The following PLCB1 variants were observed in gnomAD, a reference collection of about 807,000 sequenced individuals.
The protein encoded by PLCB1 is 1-phosphatidylinositol 4,5-bisphosphate phosphodiesterase beta-1.
Under a neutral mutation model 161.8 loss-of-function variants are expected in PLCB1, and 46 were observed. The observed-to-expected ratio is 0.28, with a 90% CI of 0.22 to 0.36. The LOEUF is 0.36. Ranked by LOEUF, PLCB1 falls within the 10% of genes least tolerant of loss-of-function variation. The probability of loss-of-function intolerance (pLI) is 1.00; values close to 1 mark genes in which losing one functional copy is unlikely to be tolerated. For missense variants in PLCB1, 1,016 were observed against 1,472.5 expected (o/e 0.69, Z 5.07); for synonymous variants, 517 against 503.7 (o/e 1.03, Z -0.35).
At position 8,782,221 on chromosome 20, in the gene PLCB1, G is replaced by C. The variant is rs550698791; in HGVS notation, c.3112-6228G>C. ...GTCCAAGACTTTCTCCTTCTGAAAA[G>C]AGAAGGGAGCTAGTAGAGATTATAG... On this transcript the variant is annotated intron_variant, in intron 27 of 31. Transcript: ENST00000338037. Among the ~76,000 whole-genome samples the C allele has an allele frequency of 1.3e-4, 20 of 152,252 alleles. No individual in the cohort carries two copies. In the South Asian group the frequency reaches 3.9e-3, roughly 30 times the overall value.
intron 4 of PLCB1, among the ~76,000 whole-genome samples, chr20:8,628,903 A>G (rs1489835977): frequency 6.6e-6 from 1 of 152,112 alleles, no homozygotes; most frequent in African/African-American, 2.4e-5. Flanking sequence ...ACTGCACTCC[A>G]GCCTGGGTGA....
At chr20:8,291,151 T>C (rs1052481373) in intron 2 of PLCB1, among the ~76,000 whole-genome samples, 2 of 152,010 alleles carry the variant, frequency 1.3e-5, no homozygotes, top group African/African-American at 4.8e-5. Flanking sequence ...ATCTTGAAAA[T>C]GCAACATTTG....
intron 3 of PLCB1, among the ~76,000 whole-genome samples, chr20:8,455,118 C>T (rs1041746209): frequency 6.6e-6 from 1 of 151,904 alleles, no homozygotes; most frequent in Admixed American, 6.6e-5. Flanking sequence ...AGATCAAGGT[C>T]AGGAGTTCAA....
intron 2 of PLCB1, among the ~76,000 whole-genome samples, chr20:8,361,149 C>A (rs767252399): frequency 6.6e-6 from 1 of 152,186 alleles, no homozygotes; most frequent in Non-Finnish European, 1.5e-5. Context: ...ATTTTTAGAA[C>A]CTCTCCTTGA....
At chr20:8,523,496 C>CTCTCTCTCTCTTTATATATA in intron 3 of PLCB1, among the ~76,000 whole-genome samples, 1 of 51,630 alleles carries the variant, frequency 1.9e-5, no homozygotes, top group Admixed American at 2.4e-4. Flanking sequence ...CTCTCTCTCT[C>CTCTCTCTCTCTTTATATATA]TATATATATA....
chr20:8,753,349 T>G (rs954370901), intron 23 of PLCB1, among the ~76,000 whole-genome samples: 1 of 152,146 alleles, frequency 6.6e-6, no homozygotes, highest in African/African-American at 2.4e-5. Flanking sequence ...AAAAATTATC[T>G]TCCATGAAAC....
intron 3 of PLCB1, among the ~76,000 whole-genome samples, chr20:8,381,430 T>A (rs1041272532): frequency 6.6e-6 from 1 of 152,172 alleles, no homozygotes; most frequent in African/African-American, 2.4e-5. Context: ...TCTGCCAGGT[T>A]TTGGTAACAG....
At chr20:8,686,181 G>T (rs1043169845) in intron 10 of PLCB1, among the ~76,000 whole-genome samples, 1 of 152,094 alleles carries the variant, frequency 6.6e-6, no homozygotes, top group African/African-American at 2.4e-5. Context: ...TTGTGTAGAG[G>T]TTAAAATTAA....
At chr20:8,555,259 G>A (rs1249206409) in intron 3 of PLCB1, among the ~76,000 whole-genome samples, 1 of 152,064 alleles carries the variant, frequency 6.6e-6, no homozygotes, top group African/African-American at 2.4e-5. Context: ...CCTTAATAGG[G>A]TTGAATGGGT....
chr20:8,699,811 T>G (rs2123432569), intron 11 of PLCB1, among the ~76,000 whole-genome samples: 1 of 152,352 alleles, frequency 6.6e-6, no homozygotes. Context: ...CAACTTAGCC[T>G]ACAATGCAAT....
chr20:8,880,045 G>A (rs138280439), intron 31 of PLCB1, among the ~76,000 whole-genome samples: 39 of 152,068 alleles, frequency 2.6e-4, no homozygotes, highest in Middle Eastern at 3.4e-3. Flanking sequence ...CTCCTGAGTC[G>A]GACAGAATCA....
intron 3 of PLCB1, among the ~76,000 whole-genome samples, chr20:8,481,794 G>A (rs982784276): frequency 2.0e-5 from 3 of 152,018 alleles, no homozygotes; most frequent in Non-Finnish European, 2.9e-5. Context: ...ATTTGAATTG[G>A]TTTTTTGATC....
At chr20:8,619,263 ACAAAAATTAGC>A (rs1287441191) in intron 3 of PLCB1, among the ~76,000 whole-genome samples, 5 of 152,134 alleles carry the variant, frequency 3.3e-5, no homozygotes, top group Non-Finnish European at 7.4e-5. Flanking sequence ...TACTAAAAAT[ACAAAAATTAGC>A]CGGGCGTGGT....
At chr20:8,245,537 T>G (rs1387425882) in intron 2 of PLCB1, among the ~76,000 whole-genome samples, 1 of 151,860 alleles carries the variant, frequency 6.6e-6, no homozygotes, top group Non-Finnish European at 1.5e-5. Flanking sequence ...TTTATAGGTT[T>G]TGGTTGGGCA....
At chr20:8,279,859 G>A (rs1414889327) in intron 2 of PLCB1, among the ~76,000 whole-genome samples, 1 of 152,110 alleles carries the variant, frequency 6.6e-6, no homozygotes, top group African/African-American at 2.4e-5. Flanking sequence ...GAAGTAAAAA[G>A]AAAAGTAAGA....
chr20:8,775,638 G>A (rs1320755180), intron 27 of PLCB1, among the ~76,000 whole-genome samples: 2 of 152,130 alleles, frequency 1.3e-5, no homozygotes, highest in African/African-American at 4.8e-5. Context: ...CCCAGTGACT[G>A]TATGCAATGA....
chr20:8,368,501 T>G (rs1600348290), intron 2 of PLCB1, among the ~76,000 whole-genome samples: 1 of 120,312 alleles, frequency 8.3e-6, no homozygotes, highest in African/African-American at 3.4e-5. Flanking sequence ...CACTTTAGCC[T>G]GGGTGATGGA....
At chr20:8,640,520 T>A (rs1172036858) in intron 4 of PLCB1, among the ~76,000 whole-genome samples, 1 of 152,190 alleles carries the variant, frequency 6.6e-6, no homozygotes, top group African/African-American at 2.4e-5. Context: ...ACACTGAGAC[T>A]GCTAGGATTC....
At chr20:8,253,076 A>G (rs551604806) in intron 2 of PLCB1, among the ~76,000 whole-genome samples, 1 of 152,086 alleles carries the variant, frequency 6.6e-6, no homozygotes, top group South Asian at 2.1e-4. Flanking sequence ...CATAGCCCTC[A>G]GACCTGAGCA....
Sources: gnomAD v4.1 joint callset for allele counts (sites outside exome capture counted in the v4.1 genomes callset) on GRCh38, gnomAD v4.1.1 for gene constraint, MANE v1.5 for transcripts, NCBI Gene and HGNC (gene_info 2026-07-23, HGNC 2026-07-21) for gene names.